PPFIA4: variants seen among roughly 807,000 people sequenced by gnomAD.
PPFIA4 encodes the protein liprin-alpha-4.
PPFIA4 carries 98 observed loss-of-function variants against 145.7 expected under a neutral mutation model. The ratio of observed to expected loss-of-function variants is 0.67; its 90% CI spans 0.57 to 0.80. The LOEUF (loss-of-function observed/expected upper bound fraction) is 0.80. Among genes scored for constraint, PPFIA4 ranks in the 30% least tolerant of loss-of-function variants. The probability of loss-of-function intolerance (pLI) is 0.00; values close to 1 mark genes in which losing one functional copy is unlikely to be tolerated. For synonymous variants in PPFIA4, 628 were observed against 649.6 expected (o/e 0.97, Z 0.51); for missense variants, 1,457 against 1,632.7 (o/e 0.89, Z 1.85).
At chr1:203,032,430 T>TTTTTTTTTTTTTTTTGTTGTTG (rs57892403) in intron 1 of PPFIA4, among the ~76,000 whole-genome samples, 1 of 139,382 alleles carries the variant, frequency 7.2e-6, no homozygotes, top group Non-Finnish European at 1.5e-5. Context: ...TCCCCGCTTT[T>TTTTTTTTTTTTTTTTGTTGTTG]TTGTTGTTGT....
At chr1:203,052,006 A>T in intron 14 of PPFIA4, 129 bp downstream of exon 14, 1 of 955,722 alleles carries the variant, frequency 1.0e-6, no homozygotes, top group Non-Finnish European at 1.5e-6. Flanking sequence ...TGACAGCTGC[A>T]GCCCTGGGGT....
chr1:203,032,184 A>G (rs903406687), intron 1 of PPFIA4, among the ~76,000 whole-genome samples: 4 of 152,128 alleles, frequency 2.6e-5, no homozygotes, highest in Non-Finnish European at 5.9e-5. Context: ...CATAAAACGG[A>G]CAGATTAGGA....
chr1:203,036,473 G>A (rs2102616371), intron 1 of PPFIA4, among the ~76,000 whole-genome samples: 1 of 151,900 alleles, frequency 6.6e-6, no homozygotes, highest in Non-Finnish European at 1.5e-5. Context: ...CTTCTCCAAA[G>A]TTAGCCTCTG....
In PPFIA4 at chr1:203,055,194, A is replaced by T. The variant is rs1381161154; in HGVS notation, c.1830-238A>T. Among the ~76,000 whole-genome samples, 1 of 152,220 alleles carries T rather than the reference A, an allele frequency of 6.6e-6. No homozygotes were observed. ...TATGTCAAGAATTCTGATTTTCAGGATGGTTTATGTTCCACTGACGAAAGT... is the reference window on the plus strand; with the variant it reads ...TATGTCAAGAATTCTGATTTTCAGGTTGGTTTATGTTCCACTGACGAAAGT... On this transcript the variant is annotated intron_variant, in intron 15 of 29. Transcript: ENST00000295706. The surrounding 1 kb of genome is among the most constrained non-coding windows in gnomAD (Gnocchi z 4.8).
chr1:203,056,322 G>A (rs1660943654), intron 17 of PPFIA4, 53 bp from the exon 18 acceptor site: 4 of 1,604,266 alleles, frequency 2.5e-6, no homozygotes, highest in Admixed American at 1.7e-5. Flanking sequence ...GGGCTGGGTA[G>A]GCAGGCCCGA....
chr1:203,031,734 A>G (rs1341122274), intron 1 of PPFIA4, among the ~76,000 whole-genome samples: 2 of 152,184 alleles, frequency 1.3e-5, no homozygotes, highest in East Asian at 3.8e-4. Flanking sequence ...AAATATTTTT[A>G]TTCTCCAAAT....
In PPFIA4 at chr1:203,055,968, C is replaced by CTTTT. The variant is rs199570318; in HGVS notation, c.2071-141_2071-138dup. 1.4e-5 allele frequency among the ~76,000 whole-genome samples: 2 copies of CTTTT among 145,986 alleles called. No homozygotes were observed. The highest frequency in any genetic ancestry group is 2.5e-5 in the African/African-American group (1 of 39,766). ...GCCCTGGCTTGTTTTTCTAGGCCAG[C>CTTTT]TTTTTTTTTTTTTTCTGGCGTGATA... On this transcript the variant is annotated intron_variant, in intron 16 of 29. Transcript: ENST00000295706. This position sits in a 1 kb window ranked among gnomAD's most constrained non-coding sequence, Gnocchi z 4.8.
At chr1:203,049,835 C>T (rs1053953471) in intron 13 of PPFIA4, 68 bp downstream of exon 13, 10 of 1,341,030 alleles carry the variant, frequency 7.5e-6, no homozygotes, top group African/African-American at 3.0e-5. Flanking sequence ...AGGAGACTTC[C>T]TTCCAACAAA....
intron 12 of PPFIA4, 86 bp downstream of exon 12, chr1:203,049,066 T>C: frequency 7.8e-7 from 1 of 1,277,700 alleles, no homozygotes; most frequent in Non-Finnish European, 1.1e-6. Flanking sequence ...GCTGCTGCTC[T>C]GATACCTGGC....
In PPFIA4 at chr1:203,075,996, G is replaced by T. The variant is rs1662513244; in HGVS notation, c.3574+239G>T. The T allele has an allele frequency of 1.8e-6, 1 of 542,978 alleles. No homozygotes were observed. The highest frequency in any genetic ancestry group is 3.1e-6 in the Non-Finnish European group (1 of 319,826). The allele number at this position is 542,978 out of a possible 1,614,324, so 33.6% of individuals were successfully genotyped here. A position where few individuals can be genotyped will look rare whatever the true frequency, so the allele number is the denominator to read the frequency against. On this transcript the variant is annotated intron_variant, in intron 29 of 29. Transcript: ENST00000295706. The surrounding 1 kb of genome is among the most constrained non-coding windows in gnomAD (Gnocchi z 4.1). The stretch of plus-strand genomic sequence containing the variant: ...GGACGGCGGGGTCGCAGAGACTGGA[G>T]ACCTCCACGGTTCGGACCTACTCCT...
At chr1:203,032,678 G>A (rs2102607899) in intron 1 of PPFIA4, among the ~76,000 whole-genome samples, 1 of 149,000 alleles carries the variant, frequency 6.7e-6, no homozygotes, top group African/African-American at 2.5e-5. Flanking sequence ...GAACTCTTGG[G>A]CTCAAGCAGT....
Position 203,063,950 on chromosome 1 carries a change from C to T in PPFIA4, c.2997C>T (p.His999=). Residue 999 remains histidine, a synonymous_variant, in exon 25 of 30, where the codon CAC becomes CAT. Transcript: ENST00000295706. ...TGGTGGACGCCCGCATGCTGGACCA[C>T]CTCACCAAGAAGGACCTGCGGGTCC... ...ECLVDARMLD[H]LTKKDLRVHL... is the part of the protein sequence containing the mutation. The T allele has an allele frequency of 4.3e-6, 7 of 1,614,034 alleles. No individual in the cohort carries two copies. Among genetic ancestry groups the T allele is most frequent in the Non-Finnish European group, 5.1e-6 (6 of 1,179,908 alleles).
chr1:203,058,816 C>T (rs1386196527), intron 19 of PPFIA4, among the ~76,000 whole-genome samples: 1 of 152,156 alleles, frequency 6.6e-6, no homozygotes, highest in Non-Finnish European at 1.5e-5. Flanking sequence ...ATCCTTCTCT[C>T]TGAGCCTTGT....
intron 8 of PPFIA4, 124 bp downstream of exon 8, chr1:203,046,111 C>G (rs1486241852): frequency 2.5e-5 from 39 of 1,553,848 alleles, no homozygotes; most frequent in Non-Finnish European, 3.3e-5. Flanking sequence ...AAGGGGAAGT[C>G]AGGCGTCTCG....
chr1:203,060,913 G>C lies in PPFIA4; in HGVS notation c.2785-57G>C, dbSNP rs557400291. 1.3e-6 allele frequency: 2 copies of C among 1,541,930 alleles called. No individual in the cohort carries two copies. Among genetic ancestry groups the C allele is most frequent in the South Asian group, 2.2e-5 (2 of 89,472 alleles). ...TCCTTGTCCTTTGGGCTCCCAGCCT[G>C]ATGGGGATCCTGGGGACCCACACCC... On this transcript the variant is annotated intron_variant, in intron 22 of 29. Transcript: ENST00000295706. The surrounding 1 kb of genome is among the most constrained non-coding windows in gnomAD (Gnocchi z 4.8).
chr1:203,043,475 A>G lies in PPFIA4; in HGVS notation c.313A>G (p.Lys105Glu). The change falls in exon 3 of 30, where the codon AAA (lysine) becomes GAA (glutamate). Residue 105 changes from lysine to glutamate, a missense_variant. By Grantham distance (56) the Lys-to-Glu change is moderately conservative (BLOSUM62 1). This residue lies in a region of PPFIA4 where 463 missense variants were observed against 459.8 expected (regional missense o/e 1.01). Transcript: ENST00000295706. The surrounding 1 kb of genome is among the most constrained non-coding windows in gnomAD (Gnocchi z 4.4). ...LEREEEISEL[K>E]AERNNTRLLL... Reference sequence around the variant, plus strand: ...GCGGGAGGAAGAGATATCAGAACTGAAAGCAGAACGGAATAACACACGGGT... The same window carrying G: ...GCGGGAGGAAGAGATATCAGAACTGGAAGCAGAACGGAATAACACACGGGT... The G allele has an allele frequency of 6.2e-7, 1 of 1,610,576 alleles. No homozygotes were observed. The highest frequency in any genetic ancestry group is 8.5e-7 in the Non-Finnish European group (1 of 1,178,828).
intron 25 of PPFIA4, among the ~76,000 whole-genome samples, chr1:203,066,249 C>T (rs761149310): frequency 1.3e-5 from 2 of 152,148 alleles, no homozygotes; most frequent in Non-Finnish European, 2.9e-5. Flanking sequence ...CTTAAACCAG[C>T]GGCTTGAGCA....
At chr1:203,067,995 C>G (rs1226532210) in intron 26 of PPFIA4, among the ~76,000 whole-genome samples, 1 of 152,162 alleles carries the variant, frequency 6.6e-6, no homozygotes, top group Non-Finnish European at 1.5e-5. Flanking sequence ...TCCCTCAACC[C>G]CACATACCAG....
chr1:203,057,840 G>A (rs1661082448), intron 19 of PPFIA4, among the ~76,000 whole-genome samples: 1 of 152,228 alleles, frequency 6.6e-6, no homozygotes, highest in Admixed American at 6.5e-5. Flanking sequence ...TAAAGTGTGA[G>A]GGCCACATAG....
Sources: gnomAD v4.1 joint callset for allele counts (sites outside exome capture counted in the v4.1 genomes callset) on GRCh38, gnomAD v4.1.1 for gene constraint, gnomAD v4.1.1 regional missense constraint, Gnocchi (gnomAD v3.1) non-coding constraint, MANE v1.5 for transcripts, NCBI Gene and HGNC (gene_info 2026-07-23, HGNC 2026-07-21) for gene names.